Variants in TSPAN19 observed in about 807,000 individuals in gnomAD.
TSPAN19 encodes tetraspanin-19.
TSPAN19 carries 44 observed loss-of-function variants against 35.1 expected under a neutral mutation model. The ratio of observed to expected loss-of-function variants is 1.25; its 90% CI spans 0.98 to 1.61. TSPAN19 has a LOEUF of 1.61. TSPAN19 is among the 40% of genes most tolerant of loss of function. The probability of loss-of-function intolerance (pLI) is 0.00; values close to 1 mark genes in which losing one functional copy is unlikely to be tolerated. For missense variants in TSPAN19, 290 were observed against 280.0 expected, an observed-to-expected ratio of 1.04 and a Z score of -0.26; for synonymous variants, 79 against 92.0, an observed-to-expected ratio of 0.86 and a Z score of 0.81.
chr12:85,014,384 C>A lies in TSPAN19; in HGVS notation c.*103G>T. The A allele has an allele frequency of 1.5e-6, 1 of 689,434 alleles. No homozygotes were observed. Among genetic ancestry groups the A allele is most frequent in the Non-Finnish European group, 2.4e-6 (1 of 413,326 alleles). The allele number at this position is 689,434 out of a possible 1,614,324, so 42.7% of individuals were successfully genotyped here. A position where few individuals can be genotyped will look rare whatever the true frequency, so the allele number is the denominator to read the frequency against. On this transcript the variant is annotated 3_prime_UTR_variant, in exon 9 of 9. Transcript: ENST00000532498. ...TTACATATAATTAATAATTTGAATA[C>A]ATCTGTTATTTAATACAATTCAAAA...
At chr12:85,022,570 G>C (rs936192094) in intron 5 of TSPAN19, among the ~76,000 whole-genome samples, 2 of 152,066 alleles carry the variant, frequency 1.3e-5, no homozygotes, top group African/African-American at 4.8e-5. Flanking sequence ...ATATTTTACA[G>C]ATAAGGACAT....
At chr12:85,028,460 T>G (rs1877528734) in intron 3 of TSPAN19, among the ~76,000 whole-genome samples, 1 of 152,148 alleles carries the variant, frequency 6.6e-6, no homozygotes, top group African/African-American at 2.4e-5. Flanking sequence ...TATATTTTAT[T>G]TTTCCCCATC....
At chr12:85,017,022 T>C (rs1454139412) in intron 7 of TSPAN19, 5 of 158,880 alleles carry the variant, frequency 3.1e-5, no homozygotes, top group Admixed American at 6.6e-5. Flanking sequence ...CCCTTTACTC[T>C]TGCTTCTGCT....
At chr12:85,020,207 G>C (rs147140303) in intron 5 of TSPAN19, among the ~76,000 whole-genome samples, 1 of 151,190 alleles carries the variant, frequency 6.6e-6, no homozygotes, top group African/African-American at 2.4e-5. Context: ...GAAAACTATA[G>C]TTATGCAAGT....
At position 85,027,400 on chromosome 12, in the gene TSPAN19, C is replaced by T. The variant is rs1034424493; in HGVS notation, c.264+499G>A. On this transcript the variant is annotated intron_variant, in intron 4 of 8. Transcript: ENST00000532498. Reference sequence around the variant, plus strand: ...AAACCTCAGCATCGTGCAATATACCCATGTAACAAACTTGCACATGTACCC... The same window carrying T: ...AAACCTCAGCATCGTGCAATATACCTATGTAACAAACTTGCACATGTACCC... Among the ~76,000 whole-genome samples the T allele has an allele frequency of 2.0e-5, 3 of 151,998 alleles. No individual in the cohort carries two copies. In the South Asian group the frequency reaches 6.2e-4, roughly 32 times the overall value.
At position 85,015,939 on chromosome 12, in the gene TSPAN19, A is replaced by G. The variant is rs955111210; in HGVS notation, c.627T>C (p.Asn209=). Residue 209 remains asparagine, a synonymous_variant, in exon 8 of 9, where the codon AAT becomes AAC. Coordinates refer to ENST00000532498, the MANE Select transcript of TSPAN19 (RefSeq NM_001100917.2). ...GCENKISAWY[N]VNVLTLIGIN... Reference sequence around the variant, plus strand: ...TTCCGATTAAGGTTAACACATTAACATTATACCATGCACTGATTTTATTTT... The same window carrying G: ...TTCCGATTAAGGTTAACACATTAACGTTATACCATGCACTGATTTTATTTT... 6.4e-7 allele frequency: 1 copy of G among 1,550,484 alleles called. No individual in the cohort carries two copies. The highest frequency in any genetic ancestry group is 8.7e-7 in the Non-Finnish European group (1 of 1,146,462).
In TSPAN19 at chr12:85,014,413, T is replaced by G. The variant is rs556978750; in HGVS notation, c.*74A>C. ...TGTTATTTAATACAATTCAAAACGT[T>G]TTTGGAATAAAATAATATAATGTGA... On this transcript the variant is annotated 3_prime_UTR_variant, in exon 9 of 9. Coordinates refer to ENST00000532498, the MANE Select transcript of TSPAN19 (RefSeq NM_001100917.2). 3.2e-5 allele frequency: 35 copies of G among 1,103,044 alleles called. No individual in the cohort carries two copies. In the Admixed American group the frequency reaches 7.5e-4, roughly 24 times the overall value. The allele number at this position is 1,103,044 out of a possible 1,614,324, so 68.3% of individuals were successfully genotyped here. A position where few individuals can be genotyped will look rare whatever the true frequency, so the allele number is the denominator to read the frequency against.
chr12:85,025,490 T>C (rs912066181), intron 4 of TSPAN19, among the ~76,000 whole-genome samples: 6 of 151,044 alleles, frequency 4.0e-5, no homozygotes, highest in Admixed American at 3.3e-4. Flanking sequence ...AGTAGGAGTA[T>C]GTTAAATCAC....
At chr12:85,017,242 C>T in intron 7 of TSPAN19, 4 of 479,512 alleles carry the variant, frequency 8.3e-6, no homozygotes, top group South Asian at 8.3e-5. Context: ...AAATCATATA[C>T]TCCCAGGAAA....
chr12:85,022,458 T>A (rs1877179850), intron 5 of TSPAN19, among the ~76,000 whole-genome samples: 1 of 152,144 alleles, frequency 6.6e-6, no homozygotes, highest in Admixed American at 6.6e-5. Flanking sequence ...CCTTCAAGAT[T>A]AATTAAGGCG....
Position 85,029,808 on chromosome 12 carries a change from A to C in TSPAN19, c.67-17T>G. The stretch of plus-strand genomic sequence containing the variant: ...TCCAAGAACCTAAAAAAAGAAAGTC[A>C]ATGCTTATTTTTTTGTAATTGCCTA... On this transcript the variant is annotated splice_polypyrimidine_tract_variant and intron_variant, in intron 2 of 8. Transcript: ENST00000532498. The C allele has an allele frequency of 6.5e-7, 1 of 1,539,954 alleles. No individual in the cohort carries two copies.
intron 4 of TSPAN19, 127 bp downstream of exon 4, chr12:85,027,772 C>T: frequency 1.1e-6 from 1 of 928,716 alleles, no homozygotes; most frequent in South Asian, 2.0e-5. Context: ...GGGTGTGCTT[C>T]ATTTGAATTA....
At chr12:85,031,648 T>C (rs1402232160) in intron 1 of TSPAN19, among the ~76,000 whole-genome samples, 2 of 152,156 alleles carry the variant, frequency 1.3e-5, no homozygotes, top group Non-Finnish European at 2.9e-5. Flanking sequence ...TAGAAAATCA[T>C]GTTAGAAACT....
intron 4 of TSPAN19, among the ~76,000 whole-genome samples, chr12:85,024,032 A>G (rs1329088221): frequency 1.3e-5 from 2 of 152,222 alleles, no homozygotes; most frequent in South Asian, 4.1e-4. Flanking sequence ...AATAAGAAAT[A>G]AAGATTATAG....
intron 1 of TSPAN19, among the ~76,000 whole-genome samples, chr12:85,031,713 A>G (rs1877692945): frequency 6.6e-6 from 1 of 152,108 alleles, no homozygotes; most frequent in South Asian, 2.1e-4. Context: ...TCCAGGTGCC[A>G]TCTTTTATAG....
At chr12:85,027,834 T>C in intron 4 of TSPAN19, 65 bp downstream of exon 4, 18 of 1,447,184 alleles carry the variant, frequency 1.2e-5, no homozygotes, top group Non-Finnish European at 1.6e-5. Flanking sequence ...TCAGTATTCA[T>C]TTGTGTAACT....
At chr12:85,022,295 C>T (rs1321416295) in intron 5 of TSPAN19, among the ~76,000 whole-genome samples, 1 of 151,986 alleles carries the variant, frequency 6.6e-6, no homozygotes, top group Non-Finnish European at 1.5e-5. Flanking sequence ...AGGCCATTAA[C>T]AGTAGGCACT....
intron 1 of TSPAN19, among the ~76,000 whole-genome samples, chr12:85,032,444 A>G (rs1171272793): frequency 6.6e-6 from 1 of 152,172 alleles, no homozygotes; most frequent in Non-Finnish European, 1.5e-5. Flanking sequence ...ATGGTGTCAT[A>G]TCATGGTGTT....
intron 4 of TSPAN19, among the ~76,000 whole-genome samples, chr12:85,027,548 A>G (rs1284830169): frequency 6.6e-6 from 1 of 152,046 alleles, no homozygotes; most frequent in Non-Finnish European, 1.5e-5. Context: ...TTTCCCTGGT[A>G]AGCTACATTC....
Sources: allele counts gnomAD v4.1 joint callset (sites outside exome capture counted in the v4.1 genomes callset), GRCh38; gene constraint gnomAD v4.1.1; transcripts MANE v1.5; gene names NCBI Gene and HGNC (gene_info 2026-07-23, HGNC 2026-07-21).